TRMT9B: variants seen among roughly 807,000 people sequenced by gnomAD.
TRMT9B encodes the protein tRNA methyltransferase 9B (putative), also known as probable tRNA methyltransferase 9B.
In TRMT9B, 16 loss-of-function variants were observed where a neutral mutation model predicts 11.5. The ratio of observed to expected loss-of-function variants is 1.39; its 90% confidence interval spans 0.94 to 2.11. TRMT9B has a LOEUF of 2.11. TRMT9B is among the 30% of genes most tolerant of loss of function. The probability of loss-of-function intolerance (pLI) is 0.00; values close to 1 mark genes in which losing one functional copy is unlikely to be tolerated. For synonymous variants in TRMT9B, 274 were observed against 192.4 expected (o/e 1.42, Z -3.51); for missense variants, 941 against 553.8 (o/e 1.70, Z -7.02).
chr8:12,989,930 A>G (rs1807028024), intron 1 of TRMT9B, among the ~76,000 whole-genome samples: 1 of 152,216 alleles, frequency 6.6e-6, no homozygotes, highest in Non-Finnish European at 1.5e-5. Context: ...TCTATAGGCA[A>G]GTTCTGAAGA....
intron 1 of TRMT9B, among the ~76,000 whole-genome samples, chr8:12,989,568 C>T (rs765258716): frequency 6.6e-6 from 1 of 152,154 alleles, no homozygotes; most frequent in Non-Finnish European, 1.5e-5. Context: ...GCGTTGAAGA[C>T]TTTGCCTTTG....
At chr8:12,947,647 T>A (rs1229885932) in intron 1 of TRMT9B, among the ~76,000 whole-genome samples, 1 of 152,230 alleles carries the variant, frequency 6.6e-6, no homozygotes, top group African/African-American at 2.4e-5. Flanking sequence ...AGGACTGTGA[T>A]AGCCAATGAG....
chr8:12,997,644 A>T (rs1277801700), intron 2 of TRMT9B, among the ~76,000 whole-genome samples: 2 of 152,176 alleles, frequency 1.3e-5, no homozygotes, highest in African/African-American at 4.8e-5. Flanking sequence ...TTTACTGATG[A>T]TGGTCACATG....
chr8:12,946,896 C>T lies in TRMT9B; in HGVS notation c.-200+930C>T, dbSNP rs1320672199. 3.3e-5 allele frequency among the ~76,000 whole-genome samples: 5 copies of T among 152,162 alleles called. No homozygotes were observed. The East Asian group carries it at 9.6e-4, about 29-fold the overall frequency. On this transcript the variant is annotated intron_variant, in intron 1 of 4. Transcript: ENST00000524591. ...AGTTCCCTATGTACCTTGAGAAGGT[C>T]TTCCAGGTTTCAGAGGTGTGGAAGA...
chr8:12,972,901 C>G (rs949929386), intron 1 of TRMT9B, among the ~76,000 whole-genome samples: 1 of 152,178 alleles, frequency 6.6e-6, no homozygotes, highest in Non-Finnish European at 1.5e-5. Flanking sequence ...CATTAACAGT[C>G]TTGTGCAACC....
intron 4 of TRMT9B, among the ~76,000 whole-genome samples, chr8:13,016,422 T>C (rs181794515): frequency 6.7e-6 from 1 of 148,678 alleles, no homozygotes; most frequent in African/African-American, 2.4e-5. Context: ...AAAGGAAGTA[T>C]ACTATGAGAA....
chr8:13,019,432 C>G (rs1049505127), intron 4 of TRMT9B, among the ~76,000 whole-genome samples: 1 of 152,182 alleles, frequency 6.6e-6, no homozygotes, highest in Non-Finnish European at 1.5e-5. Context: ...GCTGGAACTA[C>G]AGGCACACAC....
At chr8:13,001,258 G>T (rs889476162) in intron 2 of TRMT9B, among the ~76,000 whole-genome samples, 4 of 152,136 alleles carry the variant, frequency 2.6e-5, no homozygotes, top group African/African-American at 4.8e-5. Flanking sequence ...TCTCAAGACT[G>T]GGTCAGTCTC....
intron 2 of TRMT9B, among the ~76,000 whole-genome samples, chr8:13,002,498 A>G (rs183672697): frequency 2.0e-5 from 3 of 152,174 alleles, no homozygotes; most frequent in Admixed American, 1.3e-4. Context: ...AGCTGTTTCA[A>G]TTTGGGTGGA....
At chr8:12,985,058 T>G (rs182774180) in intron 1 of TRMT9B, among the ~76,000 whole-genome samples, 94 of 152,164 alleles carry the variant, frequency 6.2e-4, no homozygotes, top group Middle Eastern at 3.4e-3. Flanking sequence ...GGGGCTAATA[T>G]CCTACTCTTA....
intron 4 of TRMT9B, 137 bp from the exon 5 acceptor site, chr8:13,020,871 C>T (rs149560857): frequency 8.7e-6 from 5 of 571,762 alleles, no homozygotes; most frequent in African/African-American, 7.6e-5. Context: ...TTTCTGTCAT[C>T]ATCGTTGCCA....
intron 1 of TRMT9B, among the ~76,000 whole-genome samples, chr8:12,963,464 T>G (rs1417008989): frequency 5.3e-5 from 8 of 151,666 alleles, no homozygotes; most frequent in Non-Finnish European, 1.2e-4. Flanking sequence ...AACACATGTA[T>G]ACTGACAGGA....
At chr8:12,965,614 AT>A (rs112013324) in intron 1 of TRMT9B, among the ~76,000 whole-genome samples, 3,116 of 145,394 alleles carry the variant, frequency 0.021, 90 homozygotes, top group African/African-American at 0.066. Context: ...TAGTTGTCTG[AT>A]TTTTTTTTTT....
rs372920197 is a variant in TRMT9B at position 12,989,542 on chromosome 8, A to G, written c.-199-1292A>G. Among the ~76,000 whole-genome samples, 51 of 152,066 alleles carry G rather than the reference A, an allele frequency of 3.4e-4. 1 individual carries two copies. The South Asian group carries it at 0.01, about 30-fold the overall frequency. On this transcript the variant is annotated intron_variant, in intron 1 of 4. Transcript: ENST00000524591. Reference sequence around the variant, plus strand: ...AGCTACAATTCCTCTTCTCATTGGTACTCTTACTGATGGGGGCGTTGAAGA... The same window carrying G: ...AGCTACAATTCCTCTTCTCATTGGTGCTCTTACTGATGGGGGCGTTGAAGA...
chr8:13,019,968 C>G (rs991866228), intron 4 of TRMT9B, among the ~76,000 whole-genome samples: 1 of 152,162 alleles, frequency 6.6e-6, no homozygotes, highest in Non-Finnish European at 1.5e-5. Context: ...AACTTGATTG[C>G]TAACGATACA....
intron 4 of TRMT9B, among the ~76,000 whole-genome samples, chr8:13,014,095 A>C (rs1262778815): frequency 6.6e-6 from 1 of 152,236 alleles, no homozygotes; most frequent in Non-Finnish European, 1.5e-5. Flanking sequence ...GATTTATCCA[A>C]CATTAGGTGG....
rs143449358 is a variant in TRMT9B, at chr8:13,015,058, GAAATAAATAAATAAAT to G, written c.328+2229_328+2244del. Among the ~76,000 whole-genome samples, 449 of 145,546 alleles carry G rather than the reference GAAATAAATAAATAAAT, an allele frequency of 3.1e-3. 2 individuals carry two copies. Among genetic ancestry groups the G allele is most frequent in the African/African-American group, 0.011 (426 of 38,978 alleles). On this transcript the variant is annotated intron_variant, in intron 4 of 4. Transcript: ENST00000524591. ...TAAGCAACAGAGTGAGACTCCATCTGAAATAAATAAATAAATAAATAAATAAATAAATAAATAAATA... is the reference window on the plus strand; with the variant it reads ...TAAGCAACAGAGTGAGACTCCATCTGAAATAAATAAATAAATAAATAAATA...
chr8:12,997,728 G>A (rs1252278378), intron 2 of TRMT9B, among the ~76,000 whole-genome samples: 1 of 152,114 alleles, frequency 6.6e-6, no homozygotes, highest in Non-Finnish European at 1.5e-5. Flanking sequence ...TGGTGAATAT[G>A]GGTGTCCATT....
intron 2 of TRMT9B, among the ~76,000 whole-genome samples, chr8:12,992,568 T>C (rs533268860): frequency 1.3e-4 from 20 of 151,886 alleles, no homozygotes; most frequent in Admixed American, 3.3e-4. Flanking sequence ...AACAGCATCA[T>C]TGACTGGGCA....
Sources: gnomAD v4.1 joint callset for allele counts (sites outside exome capture counted in the v4.1 genomes callset) on GRCh38, gnomAD v4.1.1 for gene constraint, MANE v1.5 for transcripts, NCBI Gene and HGNC (gene_info 2026-07-23, HGNC 2026-07-21) for gene names.